NLRP2: variants seen among roughly 807,000 people sequenced by gnomAD.
NLRP2 encodes NLR family pyrin domain containing 2, also known as NACHT, LRR and PYD domains-containing protein 2.
Under a neutral mutation model 97.2 loss-of-function variants are expected in NLRP2, and 107 were observed. The ratio of observed to expected loss-of-function variants is 1.10; its 90% CI spans 0.94 to 1.29. The LOEUF (loss-of-function observed/expected upper bound fraction) is 1.29. NLRP2 is among the 50% of genes most tolerant of loss of function. NLRP2 has a pLI of 0.00. For missense variants in NLRP2, 1,495 were observed against 1,330.3 expected, an observed-to-expected ratio of 1.12 and a Z score of -1.93; for synonymous variants, 663 against 551.5, an observed-to-expected ratio of 1.20 and a Z score of -2.83.
chr19:54,987,758 C>A (rs1004890810), intron 8 of NLRP2, among the ~76,000 whole-genome samples: 1 of 136,992 alleles, frequency 7.3e-6, no homozygotes, highest in East Asian at 2.2e-4. Context: ...AAAAAAAAAT[C>A]TTGGCTGGGT....
intron 6 of NLRP2, 46 bp downstream of exon 6, chr19:54,983,774 C>T (rs2071830601): frequency 6.2e-7 from 1 of 1,600,314 alleles, no homozygotes; most frequent in Non-Finnish European, 8.5e-7. Flanking sequence ...TTAGCCTCAT[C>T]CCATGCCCCC....
rs2146449005 is a variant in NLRP2, at chr19:54,983,819, C to T, written c.2030+91C>T. 3.2e-6 allele frequency: 5 copies of T among 1,542,010 alleles called. No homozygotes were observed. In the South Asian group the frequency reaches 5.6e-5, roughly 17 times the overall value. ...GGCCAGAGCCTCCTATGCACTGTGG[C>T]TTAGGGTCAGGAATTCCCTCTTGTT... is the stretch of plus-strand genomic sequence containing the variant. On this transcript the variant is annotated intron_variant, in intron 6 of 12. Transcript: ENST00000448584.
chr19:54,985,302 G>A, intron 7 of NLRP2, 85 bp downstream of exon 7: 2 of 1,292,786 alleles, frequency 1.5e-6, no homozygotes, highest in African/African-American at 1.5e-5. Flanking sequence ...TCAGATTCCT[G>A]TACTAGACTC....
At position 54,985,780 on chromosome 19, in the gene NLRP2, G is replaced by C. The variant is rs539610756; in HGVS notation, c.2202-371G>C. ...GGGGCCCAAGGTGGGGGGATCACTTGAGGTCAGGAGTTCAAGACCAGCCTG... is the reference window on the plus strand; with the variant it reads ...GGGGCCCAAGGTGGGGGGATCACTTCAGGTCAGGAGTTCAAGACCAGCCTG... On this transcript the variant is annotated intron_variant, in intron 7 of 12. Coordinates refer to ENST00000448584, the MANE Select transcript of NLRP2 (RefSeq NM_017852.5). 3.5e-4 allele frequency among the ~76,000 whole-genome samples: 54 copies of C among 152,132 alleles called. No homozygotes were observed. The South Asian group carries it at 4.4e-3, about 12-fold the overall frequency.
rs1489641633 is a variant in NLRP2 at position 54,983,386 on chromosome 19, A to C, written c.1688A>C (p.Glu563Ala). 1 of 1,614,044 alleles carries C rather than the reference A, an allele frequency of 6.2e-7. No homozygotes were observed. The highest frequency in any genetic ancestry group is 8.5e-7 in the Non-Finnish European group (1 of 1,180,054). ...AGYYSFGLANEKRAKELEATF... is the reference protein window; with the variant it reads ...AGYYSFGLANAKRAKELEATF... ...TACTACTCCTTTGGCCTCGCTAACG[A>C]GAAGAGAGCCAAGGAGTTGGAGGCC... The change falls in exon 6 of 13, where the codon GAG becomes GCG. Residue 563 changes from glutamate (E) to alanine (A), a missense_variant. Transcript: ENST00000448584.
intron 8 of NLRP2, 39 bp from the exon 9 acceptor site, chr19:54,989,980 CAAA>C (rs35241109): frequency 1.9e-4 from 290 of 1,497,352 alleles, no homozygotes; most frequent in Admixed American, 5.1e-4. Context: ...GACTCAGTCT[CAAA>C]AAAAAAAAAA....
chr19:54,996,022 A>G (rs1203686357), intron 11 of NLRP2, among the ~76,000 whole-genome samples: 1 of 137,324 alleles, frequency 7.3e-6, no homozygotes, highest in African/African-American at 2.7e-5. Context: ...CCTGGGTGAC[A>G]GTGAGATCCT....
chr19:54,989,698 G>T, intron 8 of NLRP2: 1 of 451,580 alleles, frequency 2.2e-6, no homozygotes, highest in Non-Finnish European at 4.1e-6. Flanking sequence ...AGAATGACTT[G>T]TTCTGCCGGG....
In NLRP2 at chr19:54,984,329, G is replaced by GTTTTTTTTTTTT. The variant is rs200366059; in HGVS notation, c.2030+613_2030+624dup. Among the ~76,000 whole-genome samples, 367 of 79,610 alleles carry GTTTTTTTTTTTT rather than the reference G, an allele frequency of 4.6e-3. 21 individuals carry two copies. Among genetic ancestry groups the GTTTTTTTTTTTT allele is most frequent in the African/African-American group, 1.0e-2 (216 of 21,622 alleles). The allele number at this position is 79,610 out of a possible 152,430, so 52.2% of individuals were successfully genotyped here. The stretch of plus-strand genomic sequence containing the variant: ...AACTTAAGTGGGGGTTTTTTTTTGT[G>GTTTTTTTTTTTT]TTTTTTTTTTTTTTTTTTTTTTTGG... On this transcript the variant is annotated intron_variant, in intron 6 of 12. Transcript: ENST00000448584.
In NLRP2 at chr19:54,981,607, T is replaced by A; in HGVS notation, c.398-10T>A. 1 of 1,532,132 alleles carries A rather than the reference T, an allele frequency of 6.5e-7. No individual in the cohort carries two copies. The highest frequency in any genetic ancestry group is 9.0e-7 in the Non-Finnish European group (1 of 1,113,194). 94.9% of individuals were successfully genotyped at this position (1,532,132 alleles called of 1,614,324 possible). A position where few individuals can be genotyped will look rare whatever the true frequency, so the allele number is the denominator to read the frequency against. ...TTTGTGTCAATCTCACATGAGTTTG[T>A]ATTTTGTAGCGTTTACAGAAACGAA... On this transcript the variant is annotated splice_polypyrimidine_tract_variant and intron_variant, in intron 4 of 12. Transcript: ENST00000448584.
chr19:54,979,051 C>G (rs1240605656), intron 4 of NLRP2, among the ~76,000 whole-genome samples: 1 of 151,784 alleles, frequency 6.6e-6, no homozygotes, highest in African/African-American at 2.4e-5. Context: ...GTGGCCCCAT[C>G]TTGGCTCACT....
intron 4 of NLRP2, among the ~76,000 whole-genome samples, chr19:54,979,350 G>A (rs2071431560): frequency 6.6e-6 from 1 of 151,780 alleles, no homozygotes; most frequent in African/African-American, 2.4e-5. Flanking sequence ...TAGCATTTTT[G>A]TTTTTTCTTG....
chr19:54,983,036 G>C lies in NLRP2; in HGVS notation c.1338G>C (p.Ala446=). The C allele has an allele frequency of 6.2e-7, 1 of 1,610,908 alleles. No individual in the cohort carries two copies. The highest frequency in any genetic ancestry group is 2.2e-5 in the East Asian group (1 of 44,820). The part of the protein sequence containing the change: ...RFPQGAQLRG[A]LRTLSLLAAQ... ...CGCAGGGCGCACAGCTGCGGGGCGC[G>C]CTGCGGACGCTGAGCCTCCTGGCCG... Residue 446 remains alanine, a synonymous_variant, in exon 6 of 13, where the codon GCG becomes GCC. Transcript: ENST00000448584.
intron 11 of NLRP2, among the ~76,000 whole-genome samples, chr19:54,994,823 C>T (rs1488675097): frequency 6.6e-6 from 1 of 151,526 alleles, no homozygotes; most frequent in Non-Finnish European, 1.5e-5. Flanking sequence ...GTTGAAGGTT[C>T]ATCTCAAACT....
intron 1 of NLRP2, among the ~76,000 whole-genome samples, chr19:54,967,614 G>A (rs2070544299): frequency 2.0e-5 from 3 of 151,954 alleles, no homozygotes; most frequent in Non-Finnish European, 4.4e-5. Flanking sequence ...GTTCTCTTGG[G>A]GGATTTAGGA....
Position 54,982,185 on chromosome 19 carries a change from A to G in NLRP2, c.487A>G (p.Ile163Val), listed in dbSNP as rs888738029. The G allele has an allele frequency of 6.2e-7, 1 of 1,613,996 alleles. No homozygotes were observed. Among genetic ancestry groups the G allele is most frequent in the African/African-American group, 1.3e-5 (1 of 74,922 alleles). The change falls in exon 6 of 13, where the codon ATA becomes GTA. Residue 163 changes from isoleucine to valine, a missense_variant. Transcript: ENST00000448584. ...KPDKDNRCRY[I>V]LKTKFREMWK... ...AGACAAAGACAATAGGTGCAGGTAT[A>G]TATTGAAGACGAAGTTCCGGGAGAT...
chr19:54,990,652 G>C lies in NLRP2; in HGVS notation c.2688G>C (p.Glu896Asp), dbSNP rs1215450008. The C allele has an allele frequency of 6.2e-7, 1 of 1,614,140 alleles. No individual in the cohort carries two copies. The highest frequency in any genetic ancestry group is 8.5e-7 in the Non-Finnish European group (1 of 1,180,034). ...TGTGTGAGGGCTTGAGGTACCCCGA[G>C]TGTAAACTGCAGACCTTGGTGTAAG... ...KFLCEGLRYP[E>D]CKLQTLVLWN... Residue 896 changes from glutamate to aspartate, a missense_variant, in exon 10 of 13, where the codon GAG (glutamate) becomes GAC (aspartate). By Grantham distance (45) the Glu-to-Asp change is conservative. Coordinates refer to ENST00000448584, the MANE Select transcript of NLRP2 (RefSeq NM_017852.5).
intron 2 of NLRP2, among the ~76,000 whole-genome samples, chr19:54,972,752 C>T (rs1250879003): frequency 1.3e-5 from 2 of 152,084 alleles, no homozygotes; most frequent in Admixed American, 1.3e-4. Flanking sequence ...AGCCACAGTG[C>T]CTGGCCAGTG....
At chr19:54,989,190 T>A (rs972116143) in intron 8 of NLRP2, among the ~76,000 whole-genome samples, 3 of 149,564 alleles carry the variant, frequency 2.0e-5, no homozygotes, top group African/African-American at 4.9e-5. Context: ...ACTCCTGACC[T>A]CCTGATCTGC....
Sources: gnomAD v4.1 joint callset for allele counts (sites outside exome capture counted in the v4.1 genomes callset) on GRCh38, gnomAD v4.1.1 for gene constraint, MANE v1.5 for transcripts, NCBI Gene and HGNC (gene_info 2026-07-23, HGNC 2026-07-21) for gene names.